Variants in EXTL2 observed in about 807,000 individuals in gnomAD.
EXTL2 encodes the protein exostosin like glycosyltransferase 2.
In EXTL2, 23 loss-of-function variants were observed where a neutral mutation model predicts 30.7. That is an observed-to-expected ratio of 0.75 (90% CI 0.54 to 1.06). EXTL2 has a LOEUF of 1.06. Among genes scored for constraint, EXTL2 ranks in the 50% least tolerant of loss-of-function variants. The pLI, the probability that EXTL2 is intolerant of heterozygous loss-of-function variation, is 0.00. For synonymous variants in EXTL2, 123 were observed against 133.8 expected (o/e 0.92, Z 0.56); for missense variants, 352 against 396.3 (o/e 0.89, Z 0.95).
In EXTL2 at chr1:100,877,947, C is replaced by T. The variant is rs550645003; in HGVS notation, c.6-44G>A. On this transcript the variant is annotated intron_variant, in intron 2 of 4. Transcript: ENST00000370114. The surrounding 1 kb of genome is among the most constrained non-coding windows in gnomAD (Gnocchi z 4.1). Reference sequence around the variant, plus strand: ...CAACATACAAATGTTAGCATTCTTACGAGTCCCTGTGTTTTCATGTTTTTT... The same window carrying T: ...CAACATACAAATGTTAGCATTCTTATGAGTCCCTGTGTTTTCATGTTTTTT... 4.2e-5 allele frequency: 60 copies of T among 1,431,028 alleles called. No homozygotes were observed. Among genetic ancestry groups the T allele is most frequent in the African/African-American group, 3.2e-4 (23 of 70,944 alleles). The allele number at this position is 1,431,028 out of a possible 1,614,324, so 88.6% of individuals were successfully genotyped here.
Position 100,877,761 on chromosome 1 carries a change from T to A in EXTL2, c.148A>T (p.Met50Leu), listed in dbSNP as rs1461207224. 10 of 1,613,116 alleles carry A rather than the reference T, an allele frequency of 6.2e-6. No individual in the cohort carries two copies. The highest frequency in any genetic ancestry group is 8.5e-6 in the Non-Finnish European group (10 of 1,179,682). Residue 50 changes from methionine to leucine, a missense_variant, in exon 3 of 5, where the codon ATG becomes TTG. Coordinates refer to ENST00000370114, the MANE Select transcript of EXTL2 (RefSeq NM_001033025.3). This position sits in a 1 kb window ranked among gnomAD's most constrained non-coding sequence, Gnocchi z 4.1. The stretch of plus-strand genomic sequence containing the variant: ...TGGGATTTTATTTCCCTACGCAACA[T>A]GAGCATCTTGTCTTCTTTAACACTG... ...LPSVKEDKML[M>L]LRREIKSQGK...
intron 3 of EXTL2, 126 bp from the exon 4 acceptor site, chr1:100,876,990 T>C: frequency 1.6e-6 from 1 of 627,016 alleles, no homozygotes; most frequent in Non-Finnish European, 2.8e-6. Flanking sequence ...AAATAAGCAA[T>C]GTATTCTTGG....
intron 2 of EXTL2, among the ~76,000 whole-genome samples, chr1:100,884,285 G>A (rs1418811620): frequency 6.6e-6 from 1 of 152,148 alleles, no homozygotes. Context: ...TGTCCAGATT[G>A]TTTCTCCTCT....
rs554050603 is a variant in EXTL2 at position 100,872,712 on chromosome 1, G to A, written c.*1230C>T. The A allele has an allele frequency of 6.6e-6, 1 of 152,440 alleles. No homozygotes were observed. The highest frequency in any genetic ancestry group is 6.6e-5 in the Admixed American group (1 of 15,256). 9.4% of individuals were successfully genotyped at this position (152,440 alleles called of 1,614,324 possible). A position where few individuals can be genotyped will look rare whatever the true frequency, so the allele number is the denominator to read the frequency against. Reference sequence around the variant, plus strand: ...GGAAGAGGAGAAGGAGGAATAAGAGGGAAAGGAGGAGAAAGAGAAGTTGGT... The same window carrying A: ...GGAAGAGGAGAAGGAGGAATAAGAGAGAAAGGAGGAGAAAGAGAAGTTGGT... On this transcript the variant is annotated 3_prime_UTR_variant, in exon 5 of 5. Transcript: ENST00000370114.
intron 2 of EXTL2, among the ~76,000 whole-genome samples, chr1:100,887,953 C>T (rs1392610454): frequency 6.6e-6 from 1 of 151,996 alleles, no homozygotes; most frequent in East Asian, 1.9e-4. Context: ...CCCGCTTTGG[C>T]CTCCCAAGTG....
At chr1:100,884,220 G>A (rs1649786683) in intron 2 of EXTL2, among the ~76,000 whole-genome samples, 6 of 152,206 alleles carry the variant, frequency 3.9e-5, no homozygotes. Context: ...TGCTGCCACA[G>A]ATGGCAGCAG....
chr1:100,875,345 C>T (rs948387705), intron 4 of EXTL2, among the ~76,000 whole-genome samples: 46 of 151,706 alleles, frequency 3.0e-4, no homozygotes, highest in African/African-American at 1.1e-3. Flanking sequence ...CAAGGAAATA[C>T]AATACTGTGA....
intron 3 of EXTL2, 22 bp from the exon 4 acceptor site, chr1:100,876,886 T>C: frequency 1.9e-6 from 3 of 1,554,418 alleles, no homozygotes. Context: ...GGACAAAAAT[T>C]TAAGTTGAAT....
At position 100,882,904 on chromosome 1, in the gene EXTL2, T is replaced by C. The variant is rs181232626; in HGVS notation, c.6-5001A>G. On this transcript the variant is annotated intron_variant, in intron 2 of 4. Transcript: ENST00000370114. The stretch of plus-strand genomic sequence containing the variant: ...ATAATTACATAATTATATGACTTAT[T>C]GCACAAACACAGAAACTCAGAGAGC... Among the ~76,000 whole-genome samples the C allele has an allele frequency of 2.6e-3, 390 of 152,338 alleles. 1 individual carries two copies. Among genetic ancestry groups the C allele is most frequent in the African/African-American group, 9.1e-3 (380 of 41,572 alleles).
In EXTL2 at chr1:100,876,773, TA is replaced by T. The variant is rs770994980; in HGVS notation, c.504+20del. ...TCAAGATCTTATAAAGACGGTTTCATAAAAGAGACAGCAACATTACCTGCCA... is the reference window on the plus strand; with the variant it reads ...TCAAGATCTTATAAAGACGGTTTCATAAAGAGACAGCAACATTACCTGCCA... On this transcript the variant is annotated intron_variant, in intron 4 of 4. Coordinates refer to ENST00000370114, the MANE Select transcript of EXTL2 (RefSeq NM_001033025.3). 1.3e-6 allele frequency: 2 copies of T among 1,596,274 alleles called. No homozygotes were observed. Among genetic ancestry groups the T allele is most frequent in the African/African-American group, 1.3e-5 (1 of 74,522 alleles).
intron 1 of EXTL2, among the ~76,000 whole-genome samples, chr1:100,891,398 T>C (rs187181003): frequency 6.6e-6 from 1 of 152,292 alleles, no homozygotes; most frequent in East Asian, 1.9e-4. Flanking sequence ...GAAAGAGTAA[T>C]CTATGCAGAG....
chr1:100,872,560 T>A lies in EXTL2; in HGVS notation c.*1382A>T, dbSNP rs1374030799. ...GCATTAAGACACATATACTCTTTAA[T>A]GTAAAAAAAAAACCATCATATGCGG... On this transcript the variant is annotated 3_prime_UTR_variant, in exon 5 of 5. Coordinates refer to ENST00000370114, the MANE Select transcript of EXTL2 (RefSeq NM_001033025.3). 2 of 152,174 alleles carry A rather than the reference T, an allele frequency of 1.3e-5. No individual in the cohort carries two copies. The highest frequency in any genetic ancestry group is 4.8e-5 in the African/African-American group (2 of 41,356). The allele number at this position is 152,174 out of a possible 1,614,324, so 9.4% of individuals were successfully genotyped here. A position where few individuals can be genotyped will look rare whatever the true frequency, so the allele number is the denominator to read the frequency against.
chr1:100,887,524 C>T (rs1650057637), intron 2 of EXTL2, among the ~76,000 whole-genome samples: 1 of 152,124 alleles, frequency 6.6e-6, no homozygotes, highest in South Asian at 2.1e-4. Flanking sequence ...TATAGATTAC[C>T]TCAAACTGAC....
intron 2 of EXTL2, among the ~76,000 whole-genome samples, chr1:100,886,902 C>A (rs960226357): frequency 6.6e-6 from 1 of 152,066 alleles, no homozygotes; most frequent in African/African-American, 2.4e-5. Flanking sequence ...TGGAGATGAC[C>A]AATTCCATGG....
intron 2 of EXTL2, among the ~76,000 whole-genome samples, chr1:100,882,384 G>A (rs1570463738): frequency 1.3e-5 from 2 of 152,222 alleles, no homozygotes; most frequent in South Asian, 2.1e-4. Context: ...ATAATGCCAA[G>A]GTTGAGAAAC....
At chr1:100,889,182 C>T (rs763793666) in intron 1 of EXTL2, among the ~76,000 whole-genome samples, 38 of 152,170 alleles carry the variant, frequency 2.5e-4, no homozygotes, top group African/African-American at 4.1e-4. Flanking sequence ...ATGACCATCA[C>T]GGAAGATGAA....
intron 2 of EXTL2, chr1:100,888,497 A>G (rs1650153720): frequency 3.1e-6 from 1 of 326,896 alleles, no homozygotes; most frequent in Non-Finnish European, 5.6e-6. Flanking sequence ...TGAGGTACCT[A>G]GGAAAGTCAA....
chr1:100,875,406 A>G (rs1434851617), intron 4 of EXTL2, among the ~76,000 whole-genome samples: 1 of 152,090 alleles, frequency 6.6e-6, no homozygotes, highest in Non-Finnish European at 1.5e-5. Flanking sequence ...CATTGAGGGT[A>G]GAATGACAAC....
chr1:100,873,510 C>T lies in EXTL2; in HGVS notation c.*432G>A. ...CTATTCTCTTCTTACATGGCTTTACCCCATACCACAGGCTTTTGCTAAAGA... is the reference window on the plus strand; with the variant it reads ...CTATTCTCTTCTTACATGGCTTTACTCCATACCACAGGCTTTTGCTAAAGA... On this transcript the variant is annotated 3_prime_UTR_variant, in exon 5 of 5. Transcript: ENST00000370114. 1 of 157,514 alleles carries T rather than the reference C, an allele frequency of 6.3e-6. No individual in the cohort carries two copies. The highest frequency in any genetic ancestry group is 1.4e-5 in the Non-Finnish European group (1 of 71,010). The allele number at this position is 157,514 out of a possible 1,614,324, so 9.8% of individuals were successfully genotyped here.
Sources: gnomAD v4.1 joint callset for allele counts (sites outside exome capture counted in the v4.1 genomes callset) on GRCh38, gnomAD v4.1.1 for gene constraint, Gnocchi (gnomAD v3.1) non-coding constraint, MANE v1.5 for transcripts, NCBI Gene and HGNC (gene_info 2026-07-23, HGNC 2026-07-21) for gene names.